CNOT8: variants seen among roughly 807,000 people sequenced by gnomAD.
CNOT8 encodes CCR4-NOT transcription complex subunit 8.
In CNOT8, 18 loss-of-function variants were observed where a neutral mutation model predicts 34.6. The observed-to-expected ratio is 0.52, with a 90% confidence interval of 0.36 to 0.77. The LOEUF is 0.77. Ranked by LOEUF, CNOT8 falls within the 30% of genes least tolerant of loss-of-function variation. The pLI, the probability that CNOT8 is intolerant of heterozygous loss-of-function variation, is 0.00. For missense variants in CNOT8, 189 were observed against 347.9 expected (o/e 0.54, Z 3.63); for synonymous variants, 101 against 118.8 (o/e 0.85, Z 0.98).
Position 154,875,474 on chromosome 5 carries a change from G to A in CNOT8, c.*35G>A. 6.2e-7 allele frequency: 1 copy of A among 1,609,276 alleles called. No individual in the cohort carries two copies. Among genetic ancestry groups the A allele is most frequent in the Non-Finnish European group, 8.5e-7 (1 of 1,178,710 alleles). On this transcript the variant is annotated 3_prime_UTR_variant, in exon 7 of 7. Transcript: ENST00000285896. ...GCTCTGCAGGGTGGGCCTGATCCCA[G>A]AGTGGTGCTTACTGTGCTGACTGTG...
At chr5:154,870,229 T>A (rs1161629887) in intron 3 of CNOT8, among the ~76,000 whole-genome samples, 1 of 150,502 alleles carries the variant, frequency 6.6e-6, no homozygotes, top group Non-Finnish European at 1.5e-5. Flanking sequence ...TGTGTGTGTG[T>A]GTGTGTGTTG....
upstream of CNOT8, chr5:154,858,361 C>T (rs1442500034): frequency 1.3e-5 from 2 of 152,262 alleles, no homozygotes; most frequent in African/African-American, 4.8e-5. Context: ...TCCAGGCCTC[C>T]ACTCCCCACC....
chr5:154,866,656 G>A lies in CNOT8; in HGVS notation c.311+1271G>A, dbSNP rs565462322. On this transcript the variant is annotated intron_variant, in intron 3 of 6. Transcript: ENST00000285896. ...GTGGTGGCTCACGCCTGTAACTCCA[G>A]CACTCTGGGAGGCCGAGGTGGGTGG... is the stretch of plus-strand genomic sequence containing the variant. 2.0e-5 allele frequency among the ~76,000 whole-genome samples: 3 copies of A among 152,302 alleles called. No homozygotes were observed. In the East Asian group the frequency reaches 5.8e-4, roughly 29 times the overall value.
rs962908637 is a variant in CNOT8 at position 154,861,690 on chromosome 5, C to T, written c.-72-1517C>T. Among the ~76,000 whole-genome samples the T allele has an allele frequency of 3.7e-4, 56 of 152,094 alleles. 2 individuals are homozygous for T. Among genetic ancestry groups the T allele is most frequent in the Admixed American group, 1.9e-3 (29 of 15,268 alleles). On this transcript the variant is annotated intron_variant, in intron 1 of 6. Transcript: ENST00000285896. The stretch of plus-strand genomic sequence containing the variant: ...TAGAAGTAAGTGCCTTTATGATAAG[C>T]TCTTTTTTGTTTGTTTGTTTGTTTT...
In CNOT8 at chr5:154,875,393, A is replaced by G. The variant is rs79250798; in HGVS notation, c.833A>G (p.Gln278Arg). The change falls in exon 7 of 7, where the codon CAG becomes CGG. Residue 278 changes from glutamine (Q) to arginine (R), a missense_variant. Transcript: ENST00000285896. Reference sequence around the variant, plus strand: ...CAGAATGAGGATGTGGACTCTGCCCAGGAGAAGATGAGCATCCTGGCGATT... The same window carrying G: ...CAGAATGAGGATGTGGACTCTGCCCGGGAGAAGATGAGCATCCTGGCGATT... ...QKQNEDVDSA[Q>R]EKMSILAIIN... 4.3e-6 allele frequency: 7 copies of G among 1,613,984 alleles called. No homozygotes were observed. Among genetic ancestry groups the G allele is most frequent in the Non-Finnish European group, 5.9e-6 (7 of 1,180,034 alleles).
At chr5:154,869,090 C>T (rs1276011603) in intron 3 of CNOT8, among the ~76,000 whole-genome samples, 1 of 152,032 alleles carries the variant, frequency 6.6e-6, no homozygotes, top group African/African-American at 2.4e-5. Context: ...GCTGGCTGCC[C>T]ACCATCTGTG....
intron 1 of CNOT8, among the ~76,000 whole-genome samples, chr5:154,860,888 A>G (rs1761269202): frequency 6.6e-6 from 1 of 152,198 alleles, no homozygotes; most frequent in Non-Finnish European, 1.5e-5. Context: ...TCTCTTTTAA[A>G]TGGAAGTTAA....
rs550537036 is a variant in CNOT8, at chr5:154,860,515, C to G, written c.-73+1747C>G. Among the ~76,000 whole-genome samples the G allele has an allele frequency of 2.4e-4, 37 of 152,172 alleles. No homozygotes were observed. In the East Asian group the frequency reaches 6.4e-3, roughly 26 times the overall value. On this transcript the variant is annotated intron_variant, in intron 1 of 6. Coordinates refer to ENST00000285896, the MANE Select transcript of CNOT8 (RefSeq NM_001301073.2). The stretch of plus-strand genomic sequence containing the variant: ...TAGAGACGGGGTCTCACTTTGTTGC[C>G]CAGGCTGGTCTCGAACTCCTGGCTC...
chr5:154,866,309 A>C (rs1582592214), intron 3 of CNOT8, among the ~76,000 whole-genome samples: 1 of 152,108 alleles, frequency 6.6e-6, no homozygotes, highest in South Asian at 2.1e-4. Flanking sequence ...CTACAGGTGC[A>C]CGCCACCATG....
intron 1 of CNOT8, among the ~76,000 whole-genome samples, 196 bp from the exon 2 acceptor site, chr5:154,863,011 A>G (rs1404385295): frequency 6.6e-6 from 1 of 152,116 alleles, no homozygotes; most frequent in Non-Finnish European, 1.5e-5. Context: ...TTCAAGAAAG[A>G]ACTGTGTGTG....
In CNOT8 at chr5:154,865,173, A is replaced by G; in HGVS notation, c.118-19A>G. On this transcript the variant is annotated intron_variant, in intron 2 of 6. Coordinates refer to ENST00000285896, the MANE Select transcript of CNOT8 (RefSeq NM_001301073.2). The stretch of plus-strand genomic sequence containing the variant: ...CTGTTTTGTGAAACCTTGTGATGAG[A>G]GACTTTTTCCTTTTCCAGGACACAG... 1 of 1,531,178 alleles carries G rather than the reference A, an allele frequency of 6.5e-7. No homozygotes were observed. Among genetic ancestry groups the G allele is most frequent in the Non-Finnish European group, 8.8e-7 (1 of 1,141,558 alleles). The allele number at this position is 1,531,178 out of a possible 1,614,324, so 94.8% of individuals were successfully genotyped here.
chr5:154,867,591 C>G, intron 3 of CNOT8: 1 of 171,330 alleles, frequency 5.8e-6, no homozygotes, highest in South Asian at 9.6e-5. Context: ...TAACTATTTG[C>G]TACTTTTTCA....
At chr5:154,866,421 T>C (rs950021583) in intron 3 of CNOT8, among the ~76,000 whole-genome samples, 6 of 152,168 alleles carry the variant, frequency 3.9e-5, no homozygotes, top group Non-Finnish European at 7.4e-5. Flanking sequence ...ATTTTTTTTA[T>C]TGTTGTTCGT....
At chr5:154,859,991 TA>T (rs1387092153) in intron 1 of CNOT8, 2 of 152,198 alleles carry the variant, frequency 1.3e-5, no homozygotes, top group South Asian at 2.1e-4. Flanking sequence ...AATTAACCCT[TA>T]AAAATTCCTA....
intron 3 of CNOT8, among the ~76,000 whole-genome samples, chr5:154,869,485 C>T (rs1376734260): frequency 6.7e-6 from 1 of 148,778 alleles, no homozygotes; most frequent in African/African-American, 2.5e-5. Flanking sequence ...TGTTCTGTCT[C>T]CTAGGCTGGA....
intron 3 of CNOT8, chr5:154,870,406 A>T (rs1469268422): frequency 4.9e-4 from 109 of 223,874 alleles, no homozygotes; most frequent in Admixed American, 1.5e-3. Flanking sequence ...TTTTTTTTTT[A>T]AATAATGAGC....
intron 2 of CNOT8, among the ~76,000 whole-genome samples, chr5:154,863,754 C>T (rs1273182862): frequency 6.6e-6 from 1 of 152,106 alleles, no homozygotes; most frequent in African/African-American, 2.4e-5. Flanking sequence ...AAGGATGTAA[C>T]CTCTAGTATC....
intron 1 of CNOT8, among the ~76,000 whole-genome samples, chr5:154,860,334 G>C (rs1180467566): frequency 1.3e-5 from 2 of 152,088 alleles, no homozygotes; most frequent in Non-Finnish European, 2.9e-5. Flanking sequence ...ACGTGCTCTT[G>C]CTCAGTCGCT....
chr5:154,862,260 CAG>C (rs57464734), intron 1 of CNOT8, among the ~76,000 whole-genome samples: 20,142 of 151,998 alleles, frequency 0.13, 1,493 homozygotes, highest in African/African-American at 0.2. Context: ...ATCACAAGGT[CAG>C]GGGTTCAAGA....
Sources: gnomAD v4.1 joint callset for allele counts (sites outside exome capture counted in the v4.1 genomes callset) on GRCh38, gnomAD v4.1.1 for gene constraint, MANE v1.5 for transcripts, NCBI Gene and HGNC (gene_info 2026-07-23, HGNC 2026-07-21) for gene names.